The following SEMA3E variants were observed in gnomAD, a reference collection of about 807,000 sequenced individuals.
SEMA3E encodes the protein semaphorin-3E.
Under a neutral mutation model 93.6 loss-of-function variants are expected in SEMA3E, and 49 were observed. The ratio of observed to expected loss-of-function variants is 0.52; its 90% CI spans 0.42 to 0.66. The LOEUF (loss-of-function observed/expected upper bound fraction) is 0.66, where lower values mean the gene tolerates loss of function less well. Ranked by LOEUF, SEMA3E falls within the 30% of genes least tolerant of loss-of-function variation. The pLI is 0.00. For synonymous variants in SEMA3E, 363 were observed against 330.7 expected (o/e 1.10, Z -1.06); for missense variants, 906 against 964.8 (o/e 0.94, Z 0.81).
chr7:83,579,457 G>A (rs1288887049), intron 1 of SEMA3E, among the ~76,000 whole-genome samples: 1 of 151,978 alleles, frequency 6.6e-6, no homozygotes, highest in African/African-American at 2.4e-5. Context: ...GTAGAATTTA[G>A]GGTTGTATAG....
chr7:83,441,191 G>C (rs888227936), intron 4 of SEMA3E, among the ~76,000 whole-genome samples: 1 of 152,176 alleles, frequency 6.6e-6, no homozygotes, highest in African/African-American at 2.4e-5. Flanking sequence ...CAGCCAAAAG[G>C]ATTCTGCTAC....
rs1005400765 is a variant in SEMA3E at position 83,373,246 on chromosome 7, T to A, written c.1876-5208A>T. On this transcript the variant is annotated intron_variant, in intron 16 of 16. Coordinates refer to ENST00000643230, the MANE Select transcript of SEMA3E (RefSeq NM_012431.3). ...CTACCAACCATATGGTTCCATACTT[T>A]CACAGGAAAAGGACAGACATAGGCC... The A allele has an allele frequency of 3.9e-5, 6 of 152,242 alleles. No individual in the cohort carries two copies. In the East Asian group the frequency reaches 1.2e-3, roughly 29 times the overall value. The allele number at this position is 152,242 out of a possible 1,614,324, so 9.4% of individuals were successfully genotyped here. A position where few individuals can be genotyped will look rare whatever the true frequency, so the allele number is the denominator to read the frequency against.
chr7:83,442,795 G>A (rs999793282), intron 4 of SEMA3E, among the ~76,000 whole-genome samples: 1 of 152,062 alleles, frequency 6.6e-6, no homozygotes, highest in Non-Finnish European at 1.5e-5. Context: ...ACCCTCCTGA[G>A]AGTTTACCAG....
At chr7:83,492,698 T>C (rs1276618751) in intron 1 of SEMA3E, among the ~76,000 whole-genome samples, 1 of 150,546 alleles carries the variant, frequency 6.6e-6, no homozygotes, top group Non-Finnish European at 1.5e-5. Context: ...TCATTTTTAA[T>C]GATCTTTATG....
intron 1 of SEMA3E, among the ~76,000 whole-genome samples, chr7:83,552,935 GCTTTTGCC>G (rs536481988): frequency 3.4e-5 from 5 of 147,020 alleles, no homozygotes; most frequent in African/African-American, 1.4e-4. Flanking sequence ...CAGTAGTTCT[GCTTTTGCC>G]CTTTGTCCTG....
intron 1 of SEMA3E, among the ~76,000 whole-genome samples, chr7:83,627,997 T>C (rs1230781273): frequency 6.6e-6 from 1 of 152,174 alleles, no homozygotes; most frequent in Non-Finnish European, 1.5e-5. Flanking sequence ...CAGGAGCTCT[T>C]GTAAGGCAGG....
At chr7:83,554,349 C>A (rs1791837744) in intron 1 of SEMA3E, among the ~76,000 whole-genome samples, 1 of 152,044 alleles carries the variant, frequency 6.6e-6, no homozygotes, top group African/African-American at 2.4e-5. Flanking sequence ...AAAAATGAGT[C>A]CTCATAGAAA....
intron 2 of SEMA3E, among the ~76,000 whole-genome samples, chr7:83,478,038 A>C (rs1481067652): frequency 6.6e-6 from 1 of 151,974 alleles, no homozygotes. Context: ...CTCCTGCCTC[A>C]GCCTCCCAAC....
Position 83,482,564 on chromosome 7 carries a change from CAAAAAAAAA to C in SEMA3E, c.276+7541_276+7549del, listed in dbSNP as rs11429680. ...TGCGCGACAGAGCCACACTCCGTCT[CAAAAAAAAA>C]AAAAAAAAAAAAAAATTTGCAAGAA... On this transcript the variant is annotated intron_variant, in intron 2 of 16. Transcript: ENST00000643230. 1.0e-3 allele frequency among the ~76,000 whole-genome samples: 82 copies of C among 80,234 alleles called. No individual in the cohort carries two copies. In the East Asian group the frequency reaches 0.015, roughly 14 times the overall value. 52.6% of individuals were successfully genotyped at this position (80,234 alleles called of 152,430 possible). A position where few individuals can be genotyped will look rare whatever the true frequency, so the allele number is the denominator to read the frequency against.
chr7:83,419,811 A>C (rs1342031538), intron 4 of SEMA3E, among the ~76,000 whole-genome samples: 1 of 142,224 alleles, frequency 7.0e-6, no homozygotes, highest in African/African-American at 2.5e-5. Context: ...TAGGCATTGA[A>C]GGAACATTTG....
At chr7:83,620,039 A>G (rs1294827783) in intron 1 of SEMA3E, among the ~76,000 whole-genome samples, 1 of 151,960 alleles carries the variant, frequency 6.6e-6, no homozygotes, top group Non-Finnish European at 1.5e-5. Flanking sequence ...AAGTAGTTAA[A>G]TAAATGATCT....
At chr7:83,561,116 A>G (rs1792021489) in intron 1 of SEMA3E, among the ~76,000 whole-genome samples, 1 of 151,998 alleles carries the variant, frequency 6.6e-6, no homozygotes, top group Admixed American at 6.6e-5. Context: ...TAAAAAACCA[A>G]CAGGTTTTCA....
chr7:83,622,476 CT>C (rs1193709288), intron 1 of SEMA3E, among the ~76,000 whole-genome samples: 2 of 152,176 alleles, frequency 1.3e-5, no homozygotes, highest in Non-Finnish European at 2.9e-5. Context: ...AATTCCATTA[CT>C]GGATATATAC....
chr7:83,373,532 C>T (rs1000141059), intron 16 of SEMA3E, among the ~76,000 whole-genome samples: 4 of 151,906 alleles, frequency 2.6e-5, no homozygotes, highest in Non-Finnish European at 5.9e-5. Flanking sequence ...CTGATGGTTA[C>T]CTAGTAGACA....
intron 16 of SEMA3E, among the ~76,000 whole-genome samples, chr7:83,373,959 C>G (rs1217065657): frequency 6.6e-6 from 1 of 152,074 alleles, no homozygotes; most frequent in Non-Finnish European, 1.5e-5. Flanking sequence ...GTAATCCCAG[C>G]ACTTTGGGAG....
chr7:83,449,866 C>A (rs976476905), intron 4 of SEMA3E, among the ~76,000 whole-genome samples: 12 of 152,076 alleles, frequency 7.9e-5, no homozygotes, highest in African/African-American at 2.9e-4. Context: ...AAAGAATTAT[C>A]TTTCACTGAT....
chr7:83,571,004 G>A (rs1677794008), intron 1 of SEMA3E, among the ~76,000 whole-genome samples: 2 of 151,136 alleles, frequency 1.3e-5, no homozygotes, highest in Admixed American at 1.3e-4. Flanking sequence ...AACCAGGGAT[G>A]GACCAAGAAG....
At chr7:83,536,170 A>G (rs545152007) in intron 1 of SEMA3E, among the ~76,000 whole-genome samples, 1 of 152,214 alleles carries the variant, frequency 6.6e-6, no homozygotes, top group African/African-American at 2.4e-5. Flanking sequence ...TGCTAAAAAT[A>G]TAAATAAAGC....
intron 1 of SEMA3E, among the ~76,000 whole-genome samples, chr7:83,549,253 C>T (rs549472539): frequency 1.3e-5 from 2 of 152,182 alleles, no homozygotes; most frequent in South Asian, 2.1e-4. Flanking sequence ...TCTCATTTAA[C>T]GTCTCAACAA....
Sources: gnomAD v4.1 joint callset for allele counts (sites outside exome capture counted in the v4.1 genomes callset) on GRCh38, gnomAD v4.1.1 for gene constraint, MANE v1.5 for transcripts, NCBI Gene and HGNC (gene_info 2026-07-23, HGNC 2026-07-21) for gene names.